The following VSTM5 variants were observed in gnomAD, a reference collection of about 807,000 sequenced individuals.
The protein encoded by VSTM5 is V-set and transmembrane domain containing 5.
In VSTM5, 21 loss-of-function variants were observed where a neutral mutation model predicts 20.3. The observed-to-expected ratio is 1.03, with a 90% CI of 0.73 to 1.49. The LOEUF (loss-of-function observed/expected upper bound fraction) is 1.49, where lower values mean the gene tolerates loss of function less well. Ranked by LOEUF, VSTM5 falls within the 40% of genes most tolerant of loss-of-function variation. The pLI is 0.00. For synonymous variants in VSTM5, 100 were observed against 102.5 expected, an observed-to-expected ratio of 0.98 and a Z score of 0.14; for missense variants, 219 against 250.0, an observed-to-expected ratio of 0.88 and a Z score of 0.84.
chr11:93,846,973 G>T (rs1368558574), intron 1 of VSTM5, among the ~76,000 whole-genome samples: 2 of 151,778 alleles, frequency 1.3e-5, no homozygotes, highest in East Asian at 3.9e-4. Flanking sequence ...CACTGTGTTG[G>T]CCAGGATGGT....
intron 1 of VSTM5, among the ~76,000 whole-genome samples, chr11:93,849,039 C>G (rs1944436226): frequency 1.3e-5 from 2 of 152,216 alleles, no homozygotes; most frequent in African/African-American, 2.4e-5. Flanking sequence ...GATTTGCAAC[C>G]TCTGCAGCTG....
chr11:93,839,932 G>C (rs1944357491), intron 1 of VSTM5, among the ~76,000 whole-genome samples: 1 of 152,190 alleles, frequency 6.6e-6, no homozygotes, highest in South Asian at 2.1e-4. Flanking sequence ...TGGATATAGA[G>C]ACATACATGC....
Position 93,818,539 on chromosome 11 carries a change from G to GC in VSTM5, c.*2029_*2030insG, listed in dbSNP as rs1944150283. The stretch of plus-strand genomic sequence containing the variant: ...AAACTGTCATGAGATTTGGGCGGGG[G>GC]GGCAATTTAATTGACATCTGCCATG... On this transcript the variant is annotated 3_prime_UTR_variant, in exon 4 of 4. Coordinates refer to ENST00000409977, the MANE Select transcript of VSTM5 (RefSeq NM_001144871.2). 2.2e-5 allele frequency: 3 copies of GC among 137,790 alleles called. No homozygotes were observed. Among genetic ancestry groups the GC allele is most frequent in the Admixed American group, 7.4e-5 (1 of 13,562 alleles). The allele number at this position is 137,790 out of a possible 1,614,324, so 8.5% of individuals were successfully genotyped here.
chr11:93,841,798 A>G (rs671490), intron 1 of VSTM5, among the ~76,000 whole-genome samples: 121,007 of 152,194 alleles, frequency 0.8, 48,427 homozygotes, highest in South Asian at 0.89. Context: ...TTGGGGAAGG[A>G]AAGTTTTGGG....
In VSTM5 at chr11:93,820,749, G is replaced by A. The variant is rs1944174383; in HGVS notation, c.553C>T (p.Leu185Phe). Residue 185 changes from leucine (L) to phenylalanine (F), a missense_variant, in exon 3 of 4, where the codon CTC becomes TTC. Physicochemically the swap from Leu to Phe is conservative, Grantham distance 22. Coordinates refer to ENST00000409977, the MANE Select transcript of VSTM5 (RefSeq NM_001144871.2). ...ACAAGGCCCAGGGGGTTACCTTTGAGTTTGTGTCTTCTCTTCCTCTGAAAT... is the reference window on the plus strand; with the variant it reads ...ACAAGGCCCAGGGGGTTACCTTTGAATTTGTGTCTTCTCTTCCTCTGAAAT... ...YKFQRKRRHK[L>F]KESTTEEIEL... 1 of 1,551,748 alleles carries A rather than the reference G, an allele frequency of 6.4e-7. No homozygotes were observed. The highest frequency in any genetic ancestry group is 8.7e-7 in the Non-Finnish European group (1 of 1,147,004).
At chr11:93,845,859 C>T (rs1944407632) in intron 1 of VSTM5, among the ~76,000 whole-genome samples, 1 of 152,230 alleles carries the variant, frequency 6.6e-6, no homozygotes, top group Non-Finnish European at 1.5e-5. Context: ...CTGCTGTACA[C>T]ACTTACTCAT....
intron 1 of VSTM5, among the ~76,000 whole-genome samples, chr11:93,839,228 C>T (rs1310685055): frequency 1.3e-5 from 2 of 152,200 alleles, no homozygotes; most frequent in East Asian, 1.9e-4. Flanking sequence ...TCCTGGAGGC[C>T]ACAGTAAGTG....
chr11:93,845,383 T>C (rs1944405231), intron 1 of VSTM5, among the ~76,000 whole-genome samples: 1 of 152,186 alleles, frequency 6.6e-6, no homozygotes, highest in Non-Finnish European at 1.5e-5. Flanking sequence ...CCCCAGGGTG[T>C]GTCTCAGCAG....
chr11:93,840,159 C>T (rs1944359309), intron 1 of VSTM5, among the ~76,000 whole-genome samples: 1 of 152,228 alleles, frequency 6.6e-6, no homozygotes. Flanking sequence ...GTATAAGCCA[C>T]CCTAGCAAAT....
At chr11:93,828,893 AG>A (rs1944258321) in intron 1 of VSTM5, among the ~76,000 whole-genome samples, 1 of 152,182 alleles carries the variant, frequency 6.6e-6, no homozygotes, top group Non-Finnish European at 1.5e-5. Context: ...TTCAAGTGGC[AG>A]GGAGGTGTAG....
intron 1 of VSTM5, among the ~76,000 whole-genome samples, chr11:93,844,486 GCCTTCCCAAGCTCCAAAA>G (rs926309083): frequency 2.0e-5 from 3 of 152,114 alleles, no homozygotes; most frequent in Admixed American, 6.5e-5. Context: ...AAGATGCAAA[GCCTTCCCAAGCTCCAAAA>G]CCTTCCCAAG....
At chr11:93,845,308 G>A (rs1003602201) in intron 1 of VSTM5, among the ~76,000 whole-genome samples, 15 of 152,176 alleles carry the variant, frequency 9.9e-5, no homozygotes, top group Non-Finnish European at 1.5e-4. Flanking sequence ...TGGCATGGGC[G>A]CTGTCAGCTG....
intron 1 of VSTM5, among the ~76,000 whole-genome samples, chr11:93,841,800 A>C (rs1944372474): frequency 6.6e-6 from 1 of 152,176 alleles, no homozygotes; most frequent in South Asian, 2.1e-4. Context: ...GGGGAAGGAA[A>C]GTTTTGGGAC....
At chr11:93,827,210 C>T (rs1258306755) in intron 1 of VSTM5, among the ~76,000 whole-genome samples, 1 of 152,042 alleles carries the variant, frequency 6.6e-6, no homozygotes, top group Non-Finnish European at 1.5e-5. Flanking sequence ...ATGGAGAAAC[C>T]CCATCTCTAC....
intron 1 of VSTM5, among the ~76,000 whole-genome samples, chr11:93,824,416 C>A (rs931297552): frequency 2.6e-5 from 4 of 152,110 alleles, no homozygotes; most frequent in African/African-American, 9.7e-5. Context: ...CTGATTAGTT[C>A]AGCACCTATT....
At position 93,850,569 on chromosome 11, in the gene VSTM5, C is replaced by A; in HGVS notation, c.-67G>T. ...GCACCGCGCTGCAGCTCCTATGCAG[C>A]CTTCTCTCTTCCTCCGCCTCTGGCT... On this transcript the variant is annotated 5_prime_UTR_variant, in exon 1 of 4. Transcript: ENST00000409977. 1 of 1,229,156 alleles carries A rather than the reference C, an allele frequency of 8.1e-7. No individual in the cohort carries two copies. Among genetic ancestry groups the A allele is most frequent in the South Asian group, 1.4e-5 (1 of 71,726 alleles). 76.1% of individuals were successfully genotyped at this position (1,229,156 alleles called of 1,614,324 possible). A position where few individuals can be genotyped will look rare whatever the true frequency, so the allele number is the denominator to read the frequency against.
chr11:93,836,567 G>T (rs1944324825), intron 1 of VSTM5, among the ~76,000 whole-genome samples: 1 of 152,210 alleles, frequency 6.6e-6, no homozygotes, highest in Non-Finnish European at 1.5e-5. Context: ...TCCCTCGTTT[G>T]CCTGTTAACC....
At chr11:93,847,865 A>T (rs963520968) in intron 1 of VSTM5, among the ~76,000 whole-genome samples, 7 of 152,184 alleles carry the variant, frequency 4.6e-5, no homozygotes, top group African/African-American at 1.7e-4. Flanking sequence ...GAAGCTCAAG[A>T]TCAAGGTGCC....
In VSTM5 at chr11:93,819,493, T is replaced by C. The variant is rs1944161519; in HGVS notation, c.*1076A>G. 6.6e-6 allele frequency: 1 copy of C among 152,272 alleles called. No homozygotes were observed. The highest frequency in any genetic ancestry group is 1.5e-5 in the Non-Finnish European group (1 of 68,076). 9.4% of individuals were successfully genotyped at this position (152,272 alleles called of 1,614,324 possible). A position where few individuals can be genotyped will look rare whatever the true frequency, so the allele number is the denominator to read the frequency against. On this transcript the variant is annotated 3_prime_UTR_variant, in exon 4 of 4. Coordinates refer to ENST00000409977, the MANE Select transcript of VSTM5 (RefSeq NM_001144871.2). The stretch of plus-strand genomic sequence containing the variant: ...ATACTCAGAATAGCGTTTTCCAGTA[T>C]AGCTTTCCAGATCCTTGAAGAAGCC...
Sources: gnomAD v4.1 joint callset for allele counts (sites outside exome capture counted in the v4.1 genomes callset) on GRCh38, gnomAD v4.1.1 for gene constraint, MANE v1.5 for transcripts, NCBI Gene and HGNC (gene_info 2026-07-23, HGNC 2026-07-21) for gene names.